The following SNED1 variants were observed in gnomAD, a reference collection of about 807,000 sequenced individuals.
SNED1 encodes sushi, nidogen and EGF-like domain-containing protein 1.
In SNED1, 81 loss-of-function variants were observed where a neutral mutation model predicts 166.7. That is an observed-to-expected ratio of 0.49 (90% CI 0.41 to 0.58). SNED1 has a LOEUF of 0.58. Ranked by LOEUF, SNED1 falls within the 20% of genes least tolerant of loss-of-function variation. The pLI is 0.00. For missense variants in SNED1, 1,604 were observed against 2,000.2 expected, an observed-to-expected ratio of 0.80 and a Z score of 3.78; for synonymous variants, 762 against 822.0, an observed-to-expected ratio of 0.93 and a Z score of 1.25.
At chr2:241,065,082 G>C in intron 20 of SNED1, 125 bp downstream of exon 20, 1 of 853,146 alleles carries the variant, frequency 1.2e-6, no homozygotes, top group Non-Finnish European at 1.8e-6. Context: ...CTGAGGAACA[G>C]GGAGGGGATA....
At chr2:241,059,241 T>A (rs2062158638) in intron 16 of SNED1, among the ~76,000 whole-genome samples, 1 of 152,210 alleles carries the variant, frequency 6.6e-6, no homozygotes, top group South Asian at 2.1e-4. Context: ...TACACTTAAT[T>A]TGTAATTAAA....
chr2:241,063,009 G>A, intron 17 of SNED1, 105 bp downstream of exon 17: 1 of 680,250 alleles, frequency 1.5e-6, no homozygotes, highest in Admixed American at 2.9e-5. Flanking sequence ...GGCCAGGGTG[G>A]CCACTGCATG....
At chr2:241,029,241 A>G (rs1324052710) in intron 1 of SNED1, among the ~76,000 whole-genome samples, 1 of 152,162 alleles carries the variant, frequency 6.6e-6, no homozygotes, top group South Asian at 2.1e-4. Flanking sequence ...CTGCAGTAAA[A>G]TGCCTTAGAT....
At position 241,019,792 on chromosome 2, in the gene SNED1, G is replaced by A. The variant is rs542842265; in HGVS notation, c.214-10492G>A. On this transcript the variant is annotated intron_variant, in intron 1 of 31. Coordinates refer to ENST00000310397, the MANE Select transcript of SNED1 (RefSeq NM_001080437.3). Reference sequence around the variant, plus strand: ...CAACACCAGCGGGCCCCAAATATGAGGGTGTTAGTGTCTCAGGCTGTGGTC... The same window carrying A: ...CAACACCAGCGGGCCCCAAATATGAAGGTGTTAGTGTCTCAGGCTGTGGTC... Among the ~76,000 whole-genome samples, 4 of 152,328 alleles carry A rather than the reference G, an allele frequency of 2.6e-5. No individual in the cohort carries two copies. In the South Asian group the frequency reaches 8.3e-4, roughly 32 times the overall value.
intron 27 of SNED1, among the ~76,000 whole-genome samples, chr2:241,081,407 CCTCCTT>C (rs1251710597): frequency 6.6e-6 from 1 of 152,198 alleles, no homozygotes; most frequent in African/African-American, 2.4e-5. Flanking sequence ...TCCTTCTCCT[CCTCCTT>C]GTTTTTGTTT....
chr2:241,040,475 C>A, intron 8 of SNED1, 62 bp downstream of exon 8: 2 of 1,036,872 alleles, frequency 1.9e-6, no homozygotes, highest in Non-Finnish European at 2.8e-6. Flanking sequence ...GTGAACACCC[C>A]CATAGCCACT....
Position 241,070,111 on chromosome 2 carries a change from G to A in SNED1, c.3499G>A (p.Gly1167Arg), listed in dbSNP as rs1262160152. 2.5e-6 allele frequency: 4 copies of A among 1,612,712 alleles called. No homozygotes were observed. The African/African-American group carries it at 5.3e-5, about 22-fold the overall frequency. ...CTACACGGTGCGCGACCTGCTGCCG[G>A]GACGGCGGTACCAGCTCTCTGTGAT... ...ASYTVRDLLP[G>R]RRYQLSVIAV... The change falls in exon 24 of 32, where the codon GGA (glycine) becomes AGA (arginine). Residue 1167 changes from glycine (G) to arginine (R), a missense_variant. By Grantham distance (125) the Gly-to-Arg change is moderately radical. Around this residue, in one of 2 missense-constraint regions of SNED1, gnomAD observed 367 missense variants for 379.4 expected, o/e 0.97. Transcript: ENST00000310397.
In SNED1 at chr2:240,999,361, G is replaced by A. The variant is rs887859333; in HGVS notation, c.213+311G>A. On this transcript the variant is annotated intron_variant, in intron 1 of 31. Transcript: ENST00000310397. This position sits in a 1 kb window ranked among gnomAD's most constrained non-coding sequence, Gnocchi z 5.8. ...GCCTGATTCCCAGGGGAGAGCAGGG[G>A]TCCTGGTACTGCCCTGGTTTTCACA... Among the ~76,000 whole-genome samples the A allele has an allele frequency of 5.3e-5, 8 of 152,242 alleles. No homozygotes were observed. The highest frequency in any genetic ancestry group is 2.1e-4 in the South Asian group (1 of 4,826).
At chr2:241,046,125 A>C (rs2061640454) in intron 8 of SNED1, among the ~76,000 whole-genome samples, 2 of 152,242 alleles carry the variant, frequency 1.3e-5, no homozygotes, top group South Asian at 4.1e-4. Context: ...GAATCACAAC[A>C]AACTCATTAG....
rs1171587091 is a variant in SNED1 at position 241,064,816 on chromosome 2, C to T, written c.2600-28C>T. On this transcript the variant is annotated intron_variant, in intron 19 of 31. Coordinates refer to ENST00000310397, the MANE Select transcript of SNED1 (RefSeq NM_001080437.3). This position sits in a 1 kb window ranked among gnomAD's most constrained non-coding sequence, Gnocchi z 7.0. ...GCAGGGACCCCTGGCCACGCCCCAA[C>T]ATACACTGCCACTTTTTCTCCCCTC... 3 of 1,526,002 alleles carry T rather than the reference C, an allele frequency of 2.0e-6. No homozygotes were observed. The highest frequency in any genetic ancestry group is 2.4e-5 in the South Asian group (2 of 82,350). 94.5% of individuals were successfully genotyped at this position (1,526,002 alleles called of 1,614,324 possible). A position where few individuals can be genotyped will look rare whatever the true frequency, so the allele number is the denominator to read the frequency against.
intron 8 of SNED1, among the ~76,000 whole-genome samples, chr2:241,045,156 A>T (rs1193106856): frequency 6.6e-6 from 1 of 152,254 alleles, no homozygotes; most frequent in Non-Finnish European, 1.5e-5. Context: ...AAAGAAATCA[A>T]GATCAAGTAA....
intron 2 of SNED1, among the ~76,000 whole-genome samples, chr2:241,031,701 C>G (rs984084241): frequency 6.6e-6 from 1 of 152,254 alleles, no homozygotes; most frequent in Non-Finnish European, 1.5e-5. Flanking sequence ...CGCCCTGTCC[C>G]CTAGACGGTG....
At position 241,036,905 on chromosome 2, in the gene SNED1, G is replaced by T. The variant is rs762663815; in HGVS notation, c.921G>T (p.Arg307Ser). The T allele has an allele frequency of 3.1e-6, 5 of 1,610,336 alleles. No homozygotes were observed. The highest frequency in any genetic ancestry group is 3.4e-6 in the Non-Finnish European group (4 of 1,179,198). ...GCCTCTCGGGCTTCACGGGGCGGAG[G>T]TGCCACCTGGGTGAGTGACTGGCCC... Reference protein sequence around the residue: ...CSCLSGFTGRRCHLDVNECAS... With the variant: ...CSCLSGFTGRSCHLDVNECAS... Residue 307 changes from arginine (R) to serine (S), a missense_variant, in exon 5 of 32, where the codon AGG becomes AGT. By Grantham distance (110) the Arg-to-Ser change is moderately radical. Coordinates refer to ENST00000310397, the MANE Select transcript of SNED1 (RefSeq NM_001080437.3).
chr2:241,023,390 T>A (rs1304864205), intron 1 of SNED1, among the ~76,000 whole-genome samples: 1 of 152,216 alleles, frequency 6.6e-6, no homozygotes, highest in Non-Finnish European at 1.5e-5. Flanking sequence ...AGTTGTTATT[T>A]CTAGTATAAT....
intron 16 of SNED1, among the ~76,000 whole-genome samples, chr2:241,056,640 G>C (rs2062049466): frequency 6.8e-6 from 1 of 146,204 alleles, no homozygotes; most frequent in Non-Finnish European, 1.5e-5. Context: ...GAGTGCAGTG[G>C]CACGATCTCG....
At chr2:241,080,157 G>A (rs546626799) in intron 27 of SNED1, among the ~76,000 whole-genome samples, 75 of 152,138 alleles carry the variant, frequency 4.9e-4, no homozygotes, top group Non-Finnish European at 8.7e-4. Flanking sequence ...GGTGGTGCGC[G>A]CCTGTAGTAC....
At chr2:241,044,923 C>G (rs1477285962) in intron 8 of SNED1, among the ~76,000 whole-genome samples, 1 of 152,148 alleles carries the variant, frequency 6.6e-6, no homozygotes, top group Non-Finnish European at 1.5e-5. Context: ...CCCCAGAAAA[C>G]TGGAAAGTAC....
intron 2 of SNED1, among the ~76,000 whole-genome samples, chr2:241,032,410 C>T (rs541356931): frequency 4.1e-5 from 6 of 147,952 alleles, no homozygotes; most frequent in East Asian, 2.1e-4. Flanking sequence ...TGCCAGTTTC[C>T]ATTGTTCAGT....
intron 8 of SNED1, among the ~76,000 whole-genome samples, chr2:241,047,075 T>C (rs964113157): frequency 4.7e-5 from 7 of 147,876 alleles, no homozygotes; most frequent in African/African-American, 1.0e-4. Flanking sequence ...CCCCAGGGAG[T>C]TGGAGGTTGC....
Sources: gnomAD v4.1 joint callset for allele counts (sites outside exome capture counted in the v4.1 genomes callset) on GRCh38, gnomAD v4.1.1 for gene constraint, gnomAD v4.1.1 regional missense constraint, Gnocchi (gnomAD v3.1) non-coding constraint, MANE v1.5 for transcripts, NCBI Gene and HGNC (gene_info 2026-07-23, HGNC 2026-07-21) for gene names.